Variants in OPRL1 observed in about 807,000 individuals in gnomAD.
OPRL1 encodes opioid related nociceptin receptor 1.
OPRL1 carries 5 observed loss-of-function variants against 15.5 expected under a neutral mutation model. The ratio of observed to expected loss-of-function variants is 0.32; its 90% CI spans 0.17 to 0.68. OPRL1 has a LOEUF of 0.68. Among genes scored for constraint, OPRL1 ranks in the 30% least tolerant of loss-of-function variants. OPRL1 has a pLI of 0.72. For missense variants in OPRL1, 406 were observed against 515.3 expected (o/e 0.79, Z 2.05); for synonymous variants, 223 against 230.2 (o/e 0.97, Z 0.28).
chr20:64,084,119 G>GC, intron 1 of OPRL1: 1 of 1,470,226 alleles, frequency 6.8e-7, no homozygotes. Context: ...TGTCGCGGGC[G>GC]CCCCCTTGGC....
chr20:64,084,574 G>C (rs990314715), intron 1 of OPRL1, among the ~76,000 whole-genome samples: 16 of 152,206 alleles, frequency 1.1e-4, no homozygotes, highest in African/African-American at 3.4e-4. Flanking sequence ...CTGCCACATG[G>C]AGAGCTCTAG....
At chr20:64,086,658 T>C (rs2060054372) in intron 1 of OPRL1, 1 of 194,718 alleles carries the variant, frequency 5.1e-6, no homozygotes, top group South Asian at 6.9e-5. Flanking sequence ...CAACTCAATT[T>C]TTTTTGTCAT....
rs2229206 is a variant in OPRL1, at chr20:64,098,812, C to G, written c.*13C>G. 18,921 of 1,576,086 alleles carry G rather than the reference C, an allele frequency of 0.012. 140 individuals are homozygous for G. The highest frequency in any genetic ancestry group is 0.017 in the South Asian group (1,510 of 87,192). On this transcript the variant is annotated 3_prime_UTR_variant, in exon 5 of 5. Coordinates refer to ENST00000336866, the MANE Select transcript of OPRL1 (RefSeq NM_182647.4). ...GCGGCCCGCATGACTAGGCGTGGAC[C>G]TGCCCATGGTGCCTGTCAGCCCGCA...
At chr20:64,095,346 G>T (rs539476037) in intron 3 of OPRL1, among the ~76,000 whole-genome samples, 2 of 120,562 alleles carry the variant, frequency 1.7e-5, no homozygotes, top group South Asian at 6.9e-4. Flanking sequence ...GTGGATAGTC[G>T]GGGGGGAGCC....
At position 64,083,757 on chromosome 20, in the gene OPRL1, C is replaced by G. The variant is rs547432659; in HGVS notation, c.-185+3405C>G. Reference sequence around the variant, plus strand: ...CGCCGAGCCCCGCCCCGCCCCGCCCCGGCCGGCTCCGCTCAACGCTCCCGG... The same window carrying G: ...CGCCGAGCCCCGCCCCGCCCCGCCCGGGCCGGCTCCGCTCAACGCTCCCGG... On this transcript the variant is annotated intron_variant, in intron 1 of 4. Coordinates refer to ENST00000336866, the MANE Select transcript of OPRL1 (RefSeq NM_182647.4). This position sits in a 1 kb window ranked among gnomAD's most constrained non-coding sequence, Gnocchi z 4.9. The G allele has an allele frequency of 1.6e-4, 213 of 1,333,392 alleles. No individual in the cohort carries two copies. Among genetic ancestry groups the G allele is most frequent in the Admixed American group, 5.4e-4 (13 of 24,278 alleles). The allele number at this position is 1,333,392 out of a possible 1,614,324, so 82.6% of individuals were successfully genotyped here.
intron 1 of OPRL1, among the ~76,000 whole-genome samples, chr20:64,084,814 A>G (rs2060024705): frequency 6.6e-6 from 1 of 152,194 alleles, no homozygotes; most frequent in Non-Finnish European, 1.5e-5. Context: ...TCGCTGTGCC[A>G]GAGGCAGAGC....
intron 1 of OPRL1, among the ~76,000 whole-genome samples, chr20:64,088,890 A>AAG (rs1321007475): frequency 1.3e-5 from 2 of 151,538 alleles, no homozygotes; most frequent in Non-Finnish European, 1.5e-5. Flanking sequence ...GGGTCTGTGC[A>AAG]GAGTGGCCAG....
chr20:64,098,500 T>A lies in OPRL1; in HGVS notation c.814T>A (p.Phe272Ile). 1 of 1,612,918 alleles carries A rather than the reference T, an allele frequency of 6.2e-7. No homozygotes were observed. Among genetic ancestry groups the A allele is most frequent in the Non-Finnish European group, 8.5e-7 (1 of 1,179,994 alleles). Residue 272 changes from phenylalanine to isoleucine, a missense_variant, in exon 5 of 5, where the codon TTC (phenylalanine) becomes ATC (isoleucine). By Grantham distance (21) the Phe-to-Ile change is conservative. Transcript: ENST00000336866. Reference protein sequence around the residue: ...TRLVLVVVAVFVGCWTPVQVF... With the variant: ...TRLVLVVVAVIVGCWTPVQVF... Reference sequence around the variant, plus strand: ...GCTGGTGCTGGTGGTAGTGGCTGTGTTCGTGGGCTGCTGGACGCCTGTCCA... The same window carrying A: ...GCTGGTGCTGGTGGTAGTGGCTGTGATCGTGGGCTGCTGGACGCCTGTCCA...
rs1003682052 is a variant in OPRL1 at position 64,099,664 on chromosome 20, C to A, written c.*865C>A. 6.6e-6 allele frequency: 1 copy of A among 152,324 alleles called. No individual in the cohort carries two copies. The highest frequency in any genetic ancestry group is 2.4e-5 in the African/African-American group (1 of 41,460). The allele number at this position is 152,324 out of a possible 1,614,324, so 9.4% of individuals were successfully genotyped here. On this transcript the variant is annotated 3_prime_UTR_variant, in exon 5 of 5. Transcript: ENST00000336866. ...AATGAACTATCATGCTGTGGACCGTCAACCCAGCCCTGCTTCTCAGTGTGG... is the reference window on the plus strand; with the variant it reads ...AATGAACTATCATGCTGTGGACCGTAAACCCAGCCCTGCTTCTCAGTGTGG...
chr20:64,081,092 A>G (rs1344674030), intron 1 of OPRL1, among the ~76,000 whole-genome samples: 1 of 46,148 alleles, frequency 2.2e-5, no homozygotes, highest in Admixed American at 2.5e-4. Flanking sequence ...GAGAGGGGGG[A>G]GGGCTGAGGA....
chr20:64,088,702 G>GTATCTGTGCAGAGT lies in OPRL1; in HGVS notation c.-184-3264_-184-3263insTATCTGTGCAGAGT, dbSNP rs1227356662. Among the ~76,000 whole-genome samples the GTATCTGTGCAGAGT allele has an allele frequency of 5.1e-4, 59 of 116,152 alleles. 1 individual carries two copies. Among genetic ancestry groups the GTATCTGTGCAGAGT allele is most frequent in the Admixed American group, 8.3e-4 (10 of 12,098 alleles). The allele number at this position is 116,152 out of a possible 152,430, so 76.2% of individuals were successfully genotyped here. A position where few individuals can be genotyped will look rare whatever the true frequency, so the allele number is the denominator to read the frequency against. On this transcript the variant is annotated intron_variant, in intron 1 of 4. Coordinates refer to ENST00000336866, the MANE Select transcript of OPRL1 (RefSeq NM_182647.4). The stretch of plus-strand genomic sequence containing the variant: ...GGCCAGGATCTGTGCAGGGAGGCCA[G>GTATCTGTGCAGAGT]GGTCTGTGCAGAGTGGCCAGGATCT...
chr20:64,084,001 G>A, intron 1 of OPRL1: 4 of 1,493,032 alleles, frequency 2.7e-6, no homozygotes, highest in Non-Finnish European at 3.5e-6. Context: ...AGGCCGCCGC[G>A]CCCACGTCCT....
chr20:64,098,788 C>A lies in OPRL1; in HGVS notation c.1102C>A (p.Arg368=). Residue 368 remains arginine, a synonymous_variant, in exon 5 of 5, where the codon CGG becomes AGG. Coordinates refer to ENST00000336866, the MANE Select transcript of OPRL1 (RefSeq NM_182647.4). ...CTGCAAGACCTCTGAGACGGTACCGCGGCCCGCATGACTAGGCGTGGACCT... is the reference window on the plus strand; with the variant it reads ...CTGCAAGACCTCTGAGACGGTACCGAGGCCCGCATGACTAGGCGTGGACCT... ...LACKTSETVP[R]PA The A allele has an allele frequency of 6.3e-7, 1 of 1,595,134 alleles. No homozygotes were observed. The highest frequency in any genetic ancestry group is 8.5e-7 in the Non-Finnish European group (1 of 1,175,992).
At chr20:64,084,142 C>A in intron 1 of OPRL1, 1 of 1,460,114 alleles carries the variant, frequency 6.8e-7, no homozygotes, top group Non-Finnish European at 9.0e-7. Flanking sequence ...GCTCCTCACC[C>A]TGCGCCGTGC....
chr20:64,093,105 A>G, intron 3 of OPRL1, 152 bp downstream of exon 3: 1 of 737,592 alleles, frequency 1.4e-6, no homozygotes, highest in Non-Finnish European at 2.2e-6. Flanking sequence ...AGGCAGGGTC[A>G]GTCCTGAGGC....
At chr20:64,092,629 A>T in intron 2 of OPRL1, 59 bp from the exon 3 acceptor site, 1 of 1,367,274 alleles carries the variant, frequency 7.3e-7, no homozygotes, top group Non-Finnish European at 1.0e-6. Context: ...CTGGGTTGTG[A>T]GGCCTCCGCT....
intron 1 of OPRL1, chr20:64,085,175 G>A (rs2060031347): frequency 6.6e-6 from 1 of 152,396 alleles, no homozygotes; most frequent in African/African-American, 2.4e-5. Flanking sequence ...GGCGGCCGCA[G>A]ACGCGCCATC....
At chr20:64,082,391 C>T (rs776231881) in intron 1 of OPRL1, among the ~76,000 whole-genome samples, 4 of 152,158 alleles carry the variant, frequency 2.6e-5, no homozygotes, top group African/African-American at 4.8e-5. Flanking sequence ...GTAAAGTGCT[C>T]GGTGCACGGG....
rs770105238 is a variant in OPRL1 at position 64,084,177 on chromosome 20, C to T, written c.-185+3825C>T. 2.1e-6 allele frequency: 3 copies of T among 1,449,422 alleles called. No homozygotes were observed. The South Asian group carries it at 4.1e-5, about 20-fold the overall frequency. 89.8% of individuals were successfully genotyped at this position (1,449,422 alleles called of 1,614,324 possible). On this transcript the variant is annotated intron_variant, in intron 1 of 4. Coordinates refer to ENST00000336866, the MANE Select transcript of OPRL1 (RefSeq NM_182647.4). ...CCTGGCGCGCTCTTCCCGCTTCGCT[C>T]CCGCGGGCCCTTGCGCCCGCCCTCC...
Sources: gnomAD v4.1 joint callset for allele counts (sites outside exome capture counted in the v4.1 genomes callset) on GRCh38, gnomAD v4.1.1 for gene constraint, Gnocchi (gnomAD v3.1) non-coding constraint, MANE v1.5 for transcripts, NCBI Gene and HGNC (gene_info 2026-07-23, HGNC 2026-07-21) for gene names.